The following ATP11A variants were observed in gnomAD, a reference collection of about 807,000 sequenced individuals.
ATP11A encodes phospholipid-transporting ATPase IH.
ATP11A carries 81 observed loss-of-function variants against 154.4 expected under a neutral mutation model. That is an observed-to-expected ratio of 0.52 (90% confidence interval 0.44 to 0.63). ATP11A has a LOEUF of 0.63. Ranked by LOEUF, ATP11A falls within the 30% of genes least tolerant of loss-of-function variation. ATP11A has a pLI of 0.00. For synonymous variants in ATP11A, 623 were observed against 585.9 expected (o/e 1.06, Z -0.91); for missense variants, 1,316 against 1,474.3 (o/e 0.89, Z 1.76).
chr13:112,865,247 G>C lies in ATP11A; in HGVS notation c.2991+2672G>C, dbSNP rs12877285. Among the ~76,000 whole-genome samples, 174 of 37,194 alleles carry C rather than the reference G, an allele frequency of 4.7e-3. 1 individual carries two copies. Among genetic ancestry groups the C allele is most frequent in the Admixed American group, 7.9e-3 (21 of 2,654 alleles). 24.4% of individuals were successfully genotyped at this position (37,194 alleles called of 152,430 possible). ...TCCCAGCGGGATCCATCACCACATG[G>C]GCAGTAATTCAGTGCGGCCCATGCA... is the stretch of plus-strand genomic sequence containing the variant. On this transcript the variant is annotated intron_variant, in intron 25 of 29. Coordinates refer to ENST00000375645, the MANE Select transcript of ATP11A (RefSeq NM_015205.3).
At chr13:112,749,192 G>T (rs1433929056) in intron 1 of ATP11A, among the ~76,000 whole-genome samples, 1 of 152,220 alleles carries the variant, frequency 6.6e-6, no homozygotes, top group Non-Finnish European at 1.5e-5. Context: ...GCACAGTGCA[G>T]CCGGTCTAGC....
rs58916795 is a variant in ATP11A, at chr13:112,757,424, G to A, written c.40-27711G>A. Among the ~76,000 whole-genome samples the A allele has an allele frequency of 1.5e-3, 229 of 152,368 alleles. 8 individuals carry two copies. In the East Asian group the frequency reaches 0.038, roughly 25 times the overall value. On this transcript the variant is annotated intron_variant, in intron 1 of 29. Transcript: ENST00000375645. Reference sequence around the variant, plus strand: ...GTCATCACGACTTCCTCTTATGTCGGTGTTAATTACTGTCACAGGTATTTG... The same window carrying A: ...GTCATCACGACTTCCTCTTATGTCGATGTTAATTACTGTCACAGGTATTTG...
intron 28 of ATP11A, among the ~76,000 whole-genome samples, chr13:112,877,025 C>A (rs2080749232): frequency 6.6e-6 from 1 of 152,248 alleles, no homozygotes; most frequent in Non-Finnish European, 1.5e-5. Flanking sequence ...CTCCTTCATG[C>A]CTCCTGCCAC....
At chr13:112,737,932 G>C (rs76080148) in intron 1 of ATP11A, among the ~76,000 whole-genome samples, 6,607 of 152,204 alleles carry the variant, frequency 0.043, 490 homozygotes, top group African/African-American at 0.15. Flanking sequence ...CTCCTCTGTA[G>C]CCTGGAATTG....
At chr13:112,851,361 G>C (rs1018516819) in intron 18 of ATP11A, 143 bp downstream of exon 18, 1 of 727,696 alleles carries the variant, frequency 1.4e-6, no homozygotes, top group African/African-American at 1.8e-5. Flanking sequence ...GAGGCTAGGT[G>C]TCTTGCTACA....
chr13:112,867,085 TC>T (rs2080358941), intron 25 of ATP11A, among the ~76,000 whole-genome samples: 1 of 152,108 alleles, frequency 6.6e-6, no homozygotes, highest in Non-Finnish European at 1.5e-5. Context: ...AGAGGTAGTG[TC>T]CTGAGCACTG....
At chr13:112,811,238 T>G (rs1594772007) in intron 5 of ATP11A, among the ~76,000 whole-genome samples, 1 of 141,980 alleles carries the variant, frequency 7.0e-6, no homozygotes, top group Non-Finnish European at 1.5e-5. Flanking sequence ...ACACCAGGAT[T>G]GGTGGAATAT....
intron 25 of ATP11A, among the ~76,000 whole-genome samples, chr13:112,868,456 G>T (rs1206824919): frequency 6.6e-6 from 1 of 152,234 alleles, no homozygotes; most frequent in African/African-American, 2.4e-5. Flanking sequence ...TGCAGTGGTG[G>T]AGGGTGGCCA....
chr13:112,837,661 CCAAA>C (rs1469465559), intron 16 of ATP11A, among the ~76,000 whole-genome samples: 6 of 133,826 alleles, frequency 4.5e-5, no homozygotes, highest in African/African-American at 1.9e-4. Context: ...TGGCAAACAA[CCAAA>C]CAGCCACTCC....
intron 1 of ATP11A, among the ~76,000 whole-genome samples, chr13:112,771,887 G>C (rs938243744): frequency 6.6e-6 from 1 of 152,246 alleles, no homozygotes; most frequent in African/African-American, 2.4e-5. Context: ...AAACGTTAAT[G>C]AACCAGTCCG....
At chr13:112,827,697 A>T (rs56399807) in intron 12 of ATP11A, among the ~76,000 whole-genome samples, 37,907 of 152,194 alleles carry the variant, frequency 0.25, 5,232 homozygotes, top group Non-Finnish European at 0.29. Flanking sequence ...AGGATATTTT[A>T]GCAAACAAGG....
intron 1 of ATP11A, among the ~76,000 whole-genome samples, chr13:112,744,981 T>C (rs189322039): frequency 3.0e-4 from 45 of 152,204 alleles, no homozygotes; most frequent in Admixed American, 2.1e-3. Flanking sequence ...CATCAGAAAA[T>C]GTGAGGATTT....
At position 112,697,227 on chromosome 13, in the gene ATP11A, G is replaced by A. The variant is rs1308603705; in HGVS notation, c.39+6772G>A. 6.6e-6 allele frequency among the ~76,000 whole-genome samples: 1 copy of A among 152,158 alleles called. No homozygotes were observed. On this transcript the variant is annotated intron_variant, in intron 1 of 29. Transcript: ENST00000375645. The surrounding 1 kb of genome is among the most constrained non-coding windows in gnomAD (Gnocchi z 4.0). ...TGGCCTCTGCCTTCCCCAGGGCCAC[G>A]GTGGGCTCCTAGTGGCCTTTCTTCC...
chr13:112,834,754 T>G, intron 15 of ATP11A, 94 bp downstream of exon 15: 2 of 1,009,394 alleles, frequency 2.0e-6, no homozygotes, highest in Non-Finnish European at 3.1e-6. Context: ...ACAAGTTCTC[T>G]ATGTTCTCCC....
rs1169600939 is a variant in ATP11A, at chr13:112,859,285, C to A, written c.2668-108C>A. ...CCCATTAGTGCTGTTCTGCCGCACGCTGGGTGCACGTGGATCCCTCCTCCC... is the reference window on the plus strand; with the variant it reads ...CCCATTAGTGCTGTTCTGCCGCACGATGGGTGCACGTGGATCCCTCCTCCC... On this transcript the variant is annotated intron_variant, in intron 22 of 29. Transcript: ENST00000375645. This position sits in a 1 kb window ranked among gnomAD's most constrained non-coding sequence, Gnocchi z 4.3. The A allele has an allele frequency of 2.3e-6, 2 of 857,064 alleles. No homozygotes were observed. Among genetic ancestry groups the A allele is most frequent in the Admixed American group, 1.7e-5 (1 of 58,662 alleles). 53.1% of individuals were successfully genotyped at this position (857,064 alleles called of 1,614,324 possible). A position where few individuals can be genotyped will look rare whatever the true frequency, so the allele number is the denominator to read the frequency against.
rs1214131559 is a variant in ATP11A at position 112,859,566 on chromosome 13, G to A, written c.2727+114G>A. On this transcript the variant is annotated intron_variant, in intron 23 of 29. Coordinates refer to ENST00000375645, the MANE Select transcript of ATP11A (RefSeq NM_015205.3). This position sits in a 1 kb window ranked among gnomAD's most constrained non-coding sequence, Gnocchi z 4.3. The stretch of plus-strand genomic sequence containing the variant: ...AATGAGCAGCACTCCCCGGCACCAC[G>A]AGGGAGCCAGGGTGCCCAGCAGCAG... 1.2e-4 allele frequency: 110 copies of A among 924,226 alleles called. No homozygotes were observed. In the Admixed American group the frequency reaches 1.5e-3, roughly 13 times the overall value. The allele number at this position is 924,226 out of a possible 1,614,324, so 57.3% of individuals were successfully genotyped here.
At chr13:112,702,690 G>A (rs980378642) in intron 1 of ATP11A, among the ~76,000 whole-genome samples, 1 of 151,900 alleles carries the variant, frequency 6.6e-6, no homozygotes, top group Admixed American at 6.6e-5. Context: ...AGGACCACTC[G>A]GTTTCAAAAG....
In ATP11A at chr13:112,816,122, C is replaced by T. The variant is rs267603761; in HGVS notation, c.481C>T (p.Pro161Ser). The change falls in exon 6 of 30, where the codon CCC becomes TCC. Residue 161 changes from proline to serine, a missense_variant. Physicochemically the swap from Pro to Ser is moderately conservative, Grantham distance 74 (BLOSUM62 -1). Around this residue, in one of 5 missense-constraint regions of ATP11A, gnomAD observed 876 missense variants for 1,006.8 expected, o/e 0.87. Transcript: ENST00000375645. The part of the protein sequence containing the change: ...IVMVKEDETF[P>S]CDLIFLSSNR... ...CATGGTTAAGGAGGACGAGACCTTT[C>T]CCTGCGACTTGATCTTCCTTTCCAG... 1.9e-6 allele frequency: 3 copies of T among 1,614,188 alleles called. No homozygotes were observed. Among genetic ancestry groups the T allele is most frequent in the Non-Finnish European group, 2.5e-6 (3 of 1,180,038 alleles).
chr13:112,789,870 C>CA (rs1566486382), intron 2 of ATP11A, among the ~76,000 whole-genome samples: 6 of 143,826 alleles, frequency 4.2e-5, no homozygotes, highest in African/African-American at 7.9e-5. Context: ...TAATTCACAC[C>CA]GGTGTCCTGA....
Sources: gnomAD v4.1 joint callset for allele counts (sites outside exome capture counted in the v4.1 genomes callset) on GRCh38, gnomAD v4.1.1 for gene constraint, gnomAD v4.1.1 regional missense constraint, Gnocchi (gnomAD v3.1) non-coding constraint, MANE v1.5 for transcripts, NCBI Gene and HGNC (gene_info 2026-07-23, HGNC 2026-07-21) for gene names.